SRRM4: variants seen among roughly 807,000 people sequenced by gnomAD.
SRRM4 encodes serine/arginine repetitive matrix 4, also known as serine/arginine repetitive matrix protein 4.
SRRM4 carries 33 observed loss-of-function variants against 68.9 expected under a neutral mutation model. That is an observed-to-expected ratio of 0.48 (90% CI 0.36 to 0.64). The LOEUF (loss-of-function observed/expected upper bound fraction) is 0.64. Ranked by LOEUF, SRRM4 falls within the 30% of genes least tolerant of loss-of-function variation. SRRM4 has a pLI of 0.00. For missense variants in SRRM4, 817 were observed against 827.1 expected, an observed-to-expected ratio of 0.99 and a Z score of 0.15; for synonymous variants, 318 against 318.8, an observed-to-expected ratio of 1.00 and a Z score of 0.03.
intron 1 of SRRM4, among the ~76,000 whole-genome samples, chr12:119,067,272 A>C (rs1281566079): frequency 6.6e-6 from 1 of 152,216 alleles, no homozygotes; most frequent in Non-Finnish European, 1.5e-5. Context: ...CATGTCTGAC[A>C]CAAAGTAAGT....
At chr12:118,982,380 G>A (rs1026649985) in intron 1 of SRRM4, among the ~76,000 whole-genome samples, 13 of 152,276 alleles carry the variant, frequency 8.5e-5, no homozygotes, top group Admixed American at 7.2e-4. Flanking sequence ...TGTTTGGGGG[G>A]TGTTGTACCA....
chr12:119,028,443 A>C (rs963877073), intron 1 of SRRM4, among the ~76,000 whole-genome samples: 5 of 152,148 alleles, frequency 3.3e-5, no homozygotes. Context: ...TGGTTTTATA[A>C]AGGGCAGTTC....
At chr12:119,084,190 G>A (rs1295024648) in intron 1 of SRRM4, among the ~76,000 whole-genome samples, 1 of 152,182 alleles carries the variant, frequency 6.6e-6, no homozygotes, top group Admixed American at 6.5e-5. Flanking sequence ...CAGTCTGACT[G>A]CTGTAGAAGG....
Position 118,981,861 on chromosome 12 carries a change from C to T in SRRM4, c.-22C>T, listed in dbSNP as rs1486473515. On this transcript the variant is annotated 5_prime_UTR_variant, in exon 1 of 13. Transcript: ENST00000267260. Reference sequence around the variant, plus strand: ...AGCACTTTGGACAGCGCCCCGGACGCCCCGGCCCCTTTGGGTTGGCGATGG... The same window carrying T: ...AGCACTTTGGACAGCGCCCCGGACGTCCCGGCCCCTTTGGGTTGGCGATGG... 6.2e-7 allele frequency: 1 copy of T among 1,610,858 alleles called. No individual in the cohort carries two copies. The highest frequency in any genetic ancestry group is 8.5e-7 in the Non-Finnish European group (1 of 1,178,324).
rs1436754304 is a variant in SRRM4, at chr12:119,117,014, GT to G, written c.437+7del. 3 of 1,613,720 alleles carry G rather than the reference GT, an allele frequency of 1.9e-6. No individual in the cohort carries two copies. Among genetic ancestry groups the G allele is most frequent in the Non-Finnish European group, 2.5e-6 (3 of 1,179,748 alleles). ...AAGAAACACAAGCGACGCAGGTATTGTCCTTTTTCTCTGCAAACAAGACCTC... is the reference window on the plus strand; with the variant it reads ...AAGAAACACAAGCGACGCAGGTATTGCCTTTTTCTCTGCAAACAAGACCTC... On this transcript the variant is annotated splice_region_variant and intron_variant, in intron 4 of 12. Transcript: ENST00000267260.
intron 1 of SRRM4, among the ~76,000 whole-genome samples, chr12:119,018,304 C>G (rs1390785283): frequency 6.6e-6 from 1 of 152,140 alleles, no homozygotes; most frequent in African/African-American, 2.4e-5. Context: ...CTTGGGCATG[C>G]ACAGTTATCT....
chr12:119,086,733 A>G (rs1455202460), intron 1 of SRRM4, among the ~76,000 whole-genome samples: 1 of 152,222 alleles, frequency 6.6e-6, no homozygotes, highest in Non-Finnish European at 1.5e-5. Flanking sequence ...AGCTGTAGGA[A>G]GAAGCCAGAG....
At position 119,156,523 on chromosome 12, in the gene SRRM4, C is replaced by A; in HGVS notation, c.1561C>A (p.Arg521=). The A allele has an allele frequency of 1.2e-6, 2 of 1,609,526 alleles. No individual in the cohort carries two copies. Among genetic ancestry groups the A allele is most frequent in the Non-Finnish European group, 1.7e-6 (2 of 1,178,318 alleles). ...SARKRPIPYY[R]PSPSSSGSLS... ...CCGGAAACGCCCCATCCCCTACTAT[C>A]GGCCCAGCCCCTCCTCATCCGGCAG... The change falls in exon 13 of 13, where the codon CGG becomes AGG. Residue 521 remains arginine (R), a synonymous_variant. Coordinates refer to ENST00000267260, the MANE Select transcript of SRRM4 (RefSeq NM_194286.4).
intron 1 of SRRM4, among the ~76,000 whole-genome samples, chr12:118,988,363 A>G (rs1389918603): frequency 6.6e-6 from 1 of 152,248 alleles, no homozygotes; most frequent in Non-Finnish European, 1.5e-5. Flanking sequence ...TGAGGGGAAC[A>G]TTAACTGTGG....
intron 1 of SRRM4, among the ~76,000 whole-genome samples, chr12:118,990,737 C>T (rs1410903572): frequency 1.3e-5 from 2 of 152,186 alleles, no homozygotes; most frequent in Non-Finnish European, 2.9e-5. Flanking sequence ...CCAGAAGAAC[C>T]TCTTTGAAAA....
At chr12:119,010,236 A>G (rs986275594) in intron 1 of SRRM4, among the ~76,000 whole-genome samples, 1 of 152,178 alleles carries the variant, frequency 6.6e-6, no homozygotes, top group Non-Finnish European at 1.5e-5. Context: ...TATCTTTAGT[A>G]GAGACGGGGT....
At chr12:118,999,853 T>C (rs574800918) in intron 1 of SRRM4, among the ~76,000 whole-genome samples, 1 of 152,346 alleles carries the variant, frequency 6.6e-6, no homozygotes, top group South Asian at 2.1e-4. Flanking sequence ...TTTGCATATA[T>C]ACAGTGTTTT....
At chr12:119,131,051 A>G (rs1954294921) in intron 8 of SRRM4, among the ~76,000 whole-genome samples, 1 of 152,140 alleles carries the variant, frequency 6.6e-6, no homozygotes, top group Admixed American at 6.5e-5. Flanking sequence ...GAAAAACTAA[A>G]TACCCAGTCT....
At position 119,028,796 on chromosome 12, in the gene SRRM4, G is replaced by A. The variant is rs1317117314; in HGVS notation, c.131+46783G>A. Among the ~76,000 whole-genome samples, 5 of 152,348 alleles carry A rather than the reference G, an allele frequency of 3.3e-5. No individual in the cohort carries two copies. The South Asian group carries it at 8.3e-4, about 25-fold the overall frequency. On this transcript the variant is annotated intron_variant, in intron 1 of 12. Coordinates refer to ENST00000267260, the MANE Select transcript of SRRM4 (RefSeq NM_194286.4). The stretch of plus-strand genomic sequence containing the variant: ...ACAACAGTGGGCTGCACATGCAGGA[G>A]AGACTTTTTGGAAGAAAAGGCCTTG...
At chr12:119,036,111 A>T (rs1435178987) in intron 1 of SRRM4, among the ~76,000 whole-genome samples, 1 of 152,198 alleles carries the variant, frequency 6.6e-6, no homozygotes, top group South Asian at 2.1e-4. Flanking sequence ...TTTTGCCTGC[A>T]TGGAAAAATT....
chr12:119,081,993 A>C (rs1953951845), intron 1 of SRRM4, among the ~76,000 whole-genome samples: 2 of 152,198 alleles, frequency 1.3e-5, no homozygotes, highest in African/African-American at 4.8e-5. Flanking sequence ...TTAGTAGCAA[A>C]GCCATGACAG....
intron 1 of SRRM4, among the ~76,000 whole-genome samples, chr12:119,089,345 G>A (rs779068068): frequency 6.6e-6 from 1 of 152,092 alleles, no homozygotes; most frequent in Non-Finnish European, 1.5e-5. Flanking sequence ...TGAGGTAATG[G>A]GTTTGACTTT....
intron 1 of SRRM4, among the ~76,000 whole-genome samples, chr12:119,090,540 C>T (rs1233921917): frequency 6.6e-6 from 1 of 152,130 alleles, no homozygotes; most frequent in African/African-American, 2.4e-5. Flanking sequence ...CTATGGGCCT[C>T]CCTCCCCACA....
intron 1 of SRRM4, among the ~76,000 whole-genome samples, chr12:119,033,140 C>A (rs917275289): frequency 6.6e-6 from 1 of 151,882 alleles, no homozygotes; most frequent in Admixed American, 6.6e-5. Flanking sequence ...TTTATTATTC[C>A]TTCCTCCTTT....
Sources: gnomAD v4.1 joint callset for allele counts (sites outside exome capture counted in the v4.1 genomes callset) on GRCh38, gnomAD v4.1.1 for gene constraint, MANE v1.5 for transcripts, NCBI Gene and HGNC (gene_info 2026-07-23, HGNC 2026-07-21) for gene names.